The following TBC1D5 variants were observed in gnomAD, a reference collection of about 807,000 sequenced individuals.
TBC1D5 encodes TBC1 domain family member 5.
TBC1D5 carries 75 observed loss-of-function variants against 100.3 expected under a neutral mutation model. That is an observed-to-expected ratio of 0.75 (90% confidence interval 0.62 to 0.91). The LOEUF is 0.91. TBC1D5 is among the 40% of genes least tolerant of loss of function. TBC1D5 has a pLI of 0.00. For missense variants in TBC1D5, 910 were observed against 942.4 expected (o/e 0.97, Z 0.45); for synonymous variants, 323 against 325.6 (o/e 0.99, Z 0.09).
At chr3:17,201,956 G>C (rs1046309468) in intron 18 of TBC1D5, among the ~76,000 whole-genome samples, 3 of 152,166 alleles carry the variant, frequency 2.0e-5, no homozygotes, top group East Asian at 1.9e-4. Context: ...AAAGATACTT[G>C]AAAATGTAGA....
intron 2 of TBC1D5, among the ~76,000 whole-genome samples, chr3:17,592,374 G>C (rs1430556008): frequency 1.3e-5 from 2 of 152,202 alleles, no homozygotes; most frequent in Non-Finnish European, 2.9e-5. Context: ...AGGATGGGAA[G>C]TAAATGTGAC....
chr3:17,630,292 T>C (rs1225815389), intron 1 of TBC1D5, among the ~76,000 whole-genome samples: 1 of 152,250 alleles, frequency 6.6e-6, no homozygotes, highest in Non-Finnish European at 1.5e-5. Context: ...TGTACGTTTG[T>C]GGTAACCCTG....
intron 2 of TBC1D5, among the ~76,000 whole-genome samples, chr3:17,555,132 A>G (rs2096506387): frequency 6.6e-6 from 1 of 151,404 alleles, no homozygotes; most frequent in African/African-American, 2.4e-5. Context: ...TACAGGCATG[A>G]GCCATTGCGC....
At chr3:17,220,176 A>G (rs1304519015) in intron 17 of TBC1D5, among the ~76,000 whole-genome samples, 2 of 152,194 alleles carry the variant, frequency 1.3e-5, no homozygotes, top group Non-Finnish European at 2.9e-5. Context: ...GTAGAATTAT[A>G]TAAGTGGAAC....
intron 2 of TBC1D5, among the ~76,000 whole-genome samples, chr3:17,513,742 C>T (rs1378890436): frequency 6.6e-6 from 1 of 152,114 alleles, no homozygotes; most frequent in African/African-American, 2.4e-5. Context: ...CTTAAATGGA[C>T]TACTTTCAGA....
chr3:17,212,530 C>T (rs911281923), intron 18 of TBC1D5, among the ~76,000 whole-genome samples: 1 of 151,796 alleles, frequency 6.6e-6, no homozygotes, highest in African/African-American at 2.4e-5. Context: ...AACTTTAAAA[C>T]AATGTCAGGC....
At position 17,658,023 on chromosome 3, in the gene TBC1D5, T is replaced by C. The variant is rs1012708090; in HGVS notation, c.-100-34110A>G. On this transcript the variant is annotated intron_variant, in intron 1 of 21. Coordinates refer to ENST00000253692, the Ensembl canonical transcript of TBC1D5. ...TCTATGTTTAGATAAACAGATACCA[T>C]TGTGTTACAACTGCCTACAGTATTC... Among the ~76,000 whole-genome samples the C allele has an allele frequency of 5.9e-5, 9 of 152,332 alleles. No homozygotes were observed. In the East Asian group the frequency reaches 1.5e-3, roughly 26 times the overall value.
intron 3 of TBC1D5, among the ~76,000 whole-genome samples, chr3:17,434,313 C>A (rs1287374333): frequency 6.6e-6 from 1 of 152,214 alleles, no homozygotes; most frequent in Non-Finnish European, 1.5e-5. Context: ...GCCTGGACAT[C>A]CAGGTGTTTC....
intron 3 of TBC1D5, among the ~76,000 whole-genome samples, chr3:17,475,809 G>A (rs1324130798): frequency 6.6e-6 from 1 of 152,012 alleles, no homozygotes; most frequent in African/African-American, 2.4e-5. Flanking sequence ...CTAGGGTATG[G>A]TCATATTCAA....
At chr3:17,716,989 G>A (rs1218008372) in intron 1 of TBC1D5, among the ~76,000 whole-genome samples, 2 of 152,080 alleles carry the variant, frequency 1.3e-5, no homozygotes, top group Non-Finnish European at 2.9e-5. Context: ...CAATAACATG[G>A]ACTTGCTGAG....
intron 15 of TBC1D5, among the ~76,000 whole-genome samples, chr3:17,269,294 GT>G (rs956146416): frequency 1.0e-3 from 152 of 152,198 alleles, no homozygotes; most frequent in African/African-American, 3.5e-3. Context: ...AGTGAAGTAA[GT>G]TGTCTACTTC....
At chr3:17,630,651 G>A (rs1238966472) in intron 1 of TBC1D5, among the ~76,000 whole-genome samples, 3 of 151,994 alleles carry the variant, frequency 2.0e-5, no homozygotes, top group Non-Finnish European at 2.9e-5. Context: ...GCCTTACAAC[G>A]GCCTCTTAGT....
chr3:17,547,479 G>A (rs2096430242), intron 2 of TBC1D5, among the ~76,000 whole-genome samples: 1 of 152,026 alleles, frequency 6.6e-6, no homozygotes, highest in African/African-American at 2.4e-5. Flanking sequence ...CTTCTCTTAA[G>A]AAACATTTAA....
chr3:17,513,885 C>G (rs9812199), intron 2 of TBC1D5, among the ~76,000 whole-genome samples: 2 of 151,838 alleles, frequency 1.3e-5, no homozygotes, highest in Non-Finnish European at 2.9e-5. Flanking sequence ...GTAGAAGCTA[C>G]GTTTTCACAA....
At chr3:17,470,701 C>A (rs534747138) in intron 3 of TBC1D5, among the ~76,000 whole-genome samples, 1 of 152,136 alleles carries the variant, frequency 6.6e-6, no homozygotes, top group East Asian at 1.9e-4. Flanking sequence ...GTGGGTGAAT[C>A]ATGAGGTCAA....
intron 8 of TBC1D5, among the ~76,000 whole-genome samples, chr3:17,400,764 C>G (rs2093625002): frequency 6.6e-6 from 1 of 152,124 alleles, no homozygotes; most frequent in Non-Finnish European, 1.5e-5. Context: ...GTGGAAAGAG[C>G]AGGCTTGCTG....
chr3:17,430,637 G>A (rs760143312), intron 3 of TBC1D5, among the ~76,000 whole-genome samples: 1 of 151,856 alleles, frequency 6.6e-6, no homozygotes, highest in Admixed American at 6.6e-5. Flanking sequence ...ATAAAGTTTT[G>A]AAGCGGGAAA....
intron 17 of TBC1D5, among the ~76,000 whole-genome samples, chr3:17,229,929 T>C (rs1297814179): frequency 1.3e-5 from 2 of 152,162 alleles, no homozygotes; most frequent in African/African-American, 2.4e-5. Context: ...AAACAACTCA[T>C]TTATTCAATG....
At chr3:17,560,969 A>C (rs542913703) in intron 2 of TBC1D5, among the ~76,000 whole-genome samples, 1 of 152,236 alleles carries the variant, frequency 6.6e-6, no homozygotes, top group South Asian at 2.1e-4. Flanking sequence ...GAACAATACT[A>C]AACTATAGTG....
Sources: gnomAD v4.1 joint callset for allele counts (sites outside exome capture counted in the v4.1 genomes callset) on GRCh38, gnomAD v4.1.1 for gene constraint, MANE v1.5 for transcripts, NCBI Gene and HGNC (gene_info 2026-07-23, HGNC 2026-07-21) for gene names.